The following STON2 variants were observed in gnomAD, a reference collection of about 807,000 sequenced individuals.
STON2 encodes stonin 2.
STON2 carries 29 observed loss-of-function variants against 65.7 expected under a neutral mutation model. The observed-to-expected ratio is 0.44, with a 90% CI of 0.33 to 0.60. The LOEUF is 0.60. STON2 is among the 20% of genes least tolerant of loss of function. STON2 has a pLI of 0.03. For missense variants in STON2, 1,054 were observed against 1,118.1 expected, an observed-to-expected ratio of 0.94 and a Z score of 0.82; for synonymous variants, 404 against 414.2, an observed-to-expected ratio of 0.98 and a Z score of 0.30.
At chr14:81,340,364 T>A (rs1443856395) in intron 4 of STON2, among the ~76,000 whole-genome samples, 2 of 152,142 alleles carry the variant, frequency 1.3e-5, no homozygotes, top group African/African-American at 4.8e-5. Flanking sequence ...GTGGATACGT[T>A]CATTATCTTG....
rs917524887 is a variant in STON2, at chr14:81,377,579, G to A, written c.374-6394C>T. ...GGTAATTGCACGTTTAGTTTTATAA[G>A]AAACCACCAAACTGTTTTCCAAAGT... On this transcript the variant is annotated intron_variant, in intron 3 of 7. Transcript: ENST00000614646. Among the ~76,000 whole-genome samples the A allele has an allele frequency of 5.3e-5, 8 of 152,282 alleles. No individual in the cohort carries two copies. In the East Asian group the frequency reaches 1.5e-3, roughly 29 times the overall value.
rs936123299 is a variant in STON2, at chr14:81,324,032, C to G, written c.727G>C (p.Ala243Pro). 2.0e-5 allele frequency among the ~76,000 whole-genome samples: 3 copies of G among 152,192 alleles called. No homozygotes were observed. Among genetic ancestry groups the G allele is most frequent in the Non-Finnish European group, 2.9e-5 (2 of 68,032 alleles). Residue 243 changes from alanine (A) to proline (P), a missense_variant, in exon 5 of 8, where the codon GCC becomes CCC. By Grantham distance (27) the Ala-to-Pro change is conservative. Transcript: ENST00000614646. ...SQNPGEGPEG[A>P]SAPNDNSSSL... Reference sequence around the variant, plus strand: ...CAGCCCTTACCATTGGGAGCAGAGGCCCCCTCCGGACCCTCGCCGGGGTTC... The same window carrying G: ...CAGCCCTTACCATTGGGAGCAGAGGGCCCCTCCGGACCCTCGCCGGGGTTC...
intron 6 of STON2, among the ~76,000 whole-genome samples, chr14:81,272,914 C>G (rs929305898): frequency 6.6e-6 from 1 of 152,046 alleles, no homozygotes; most frequent in African/African-American, 2.4e-5. Flanking sequence ...GTAAATTGCC[C>G]GAGGTCACAC....
chr14:81,272,470 C>T (rs1171539453), intron 6 of STON2, among the ~76,000 whole-genome samples: 1 of 152,132 alleles, frequency 6.6e-6, no homozygotes, highest in African/African-American at 2.4e-5. Flanking sequence ...CACAAACAAA[C>T]AATTCCAATG....
At chr14:81,328,553 CAG>C (rs1897083336) in intron 4 of STON2, among the ~76,000 whole-genome samples, 1 of 152,158 alleles carries the variant, frequency 6.6e-6, no homozygotes, top group Non-Finnish European at 1.5e-5. Context: ...AGGGCTCACT[CAG>C]TGTACTGAGT....
intron 2 of STON2, among the ~76,000 whole-genome samples, chr14:81,409,805 C>T (rs970575720): frequency 2.0e-5 from 3 of 152,238 alleles, no homozygotes; most frequent in African/African-American, 4.8e-5. Flanking sequence ...GCATCACCAG[C>T]ATCCATTTCT....
chr14:81,313,918 G>A (rs555387255), intron 5 of STON2, among the ~76,000 whole-genome samples: 1 of 152,236 alleles, frequency 6.6e-6, no homozygotes, highest in South Asian at 2.1e-4. Flanking sequence ...GGAACATACT[G>A]TGGGAGTCCT....
intron 4 of STON2, among the ~76,000 whole-genome samples, chr14:81,369,573 T>C (rs1898894468): frequency 6.6e-6 from 1 of 152,232 alleles, no homozygotes; most frequent in African/African-American, 2.4e-5. Context: ...TGGCCACTTA[T>C]TCTGTGTCAA....
At chr14:81,359,406 G>A (rs935869327) in intron 4 of STON2, among the ~76,000 whole-genome samples, 2 of 152,080 alleles carry the variant, frequency 1.3e-5, no homozygotes, top group Admixed American at 6.6e-5. Context: ...AAAGTTTATC[G>A]CAATGAACAC....
At position 81,263,073 on chromosome 14, in the gene STON2, G is replaced by C; in HGVS notation, c.*5341C>G. 1.0e-6 allele frequency: 1 copy of C among 985,176 alleles called. No individual in the cohort carries two copies. Among genetic ancestry groups the C allele is most frequent in the Non-Finnish European group, 1.2e-6 (1 of 829,718 alleles). The allele number at this position is 985,176 out of a possible 1,614,324, so 61.0% of individuals were successfully genotyped here. A position where few individuals can be genotyped will look rare whatever the true frequency, so the allele number is the denominator to read the frequency against. ...TGGGACTTAGTAGTAAAGTGTGTGA[G>C]ACAGTGCATTTACCAAATGATATTT... On this transcript the variant is annotated 3_prime_UTR_variant, in exon 8 of 8. Transcript: ENST00000614646.
chr14:81,395,749 A>G (rs1900281625), intron 3 of STON2, 145 bp downstream of exon 3: 4 of 774,412 alleles, frequency 5.2e-6, no homozygotes, highest in Non-Finnish European at 6.5e-6. Context: ...AAACCAGATG[A>G]GAACTCCGTC....
intron 2 of STON2, among the ~76,000 whole-genome samples, chr14:81,416,385 G>GA (rs1566951062): frequency 6.6e-6 from 1 of 152,176 alleles, no homozygotes; most frequent in Admixed American, 6.5e-5. Flanking sequence ...GAAATTTCGG[G>GA]AAAAAAAGGA....
At chr14:81,409,627 T>A (rs1901054840) in intron 2 of STON2, among the ~76,000 whole-genome samples, 1 of 152,164 alleles carries the variant, frequency 6.6e-6, no homozygotes. Context: ...TCCCACTTGA[T>A]AAAGTAACTG....
At chr14:81,421,699 G>C (rs1390853021) in intron 2 of STON2, among the ~76,000 whole-genome samples, 1 of 152,208 alleles carries the variant, frequency 6.6e-6, no homozygotes, top group African/African-American at 2.4e-5. Flanking sequence ...TGTACCATTT[G>C]CCAAGATAAG....
At chr14:81,349,105 G>A (rs979166769) in intron 4 of STON2, among the ~76,000 whole-genome samples, 2 of 152,008 alleles carry the variant, frequency 1.3e-5, no homozygotes, top group Non-Finnish European at 2.9e-5. Context: ...ATGAATTAAA[G>A]ACTTAAACCT....
At chr14:81,301,164 T>C (rs185996473) in intron 5 of STON2, among the ~76,000 whole-genome samples, 8 of 152,306 alleles carry the variant, frequency 5.3e-5, no homozygotes, top group Admixed American at 2.6e-4. Flanking sequence ...GCTTTAATAA[T>C]AGAAATAATT....
intron 3 of STON2, among the ~76,000 whole-genome samples, chr14:81,384,696 A>G (rs751006465): frequency 6.6e-6 from 1 of 152,236 alleles, no homozygotes; most frequent in Non-Finnish European, 1.5e-5. Flanking sequence ...TCAAAATAAC[A>G]TGGATTATGT....
chr14:81,433,921 C>T (rs185375072), intron 1 of STON2, among the ~76,000 whole-genome samples: 22 of 152,298 alleles, frequency 1.4e-4, no homozygotes, highest in African/African-American at 5.1e-4. Context: ...TCACTTCTCT[C>T]AGTCTGGAAT....
At chr14:81,364,221 T>C (rs981631473) in intron 4 of STON2, among the ~76,000 whole-genome samples, 1 of 152,220 alleles carries the variant, frequency 6.6e-6, no homozygotes, top group African/African-American at 2.4e-5. Flanking sequence ...TGTGATCCGT[T>C]AAATGCAAAT....
Sources: allele counts gnomAD v4.1 joint callset (sites outside exome capture counted in the v4.1 genomes callset), GRCh38; gene constraint gnomAD v4.1.1; transcripts MANE v1.5; gene names NCBI Gene and HGNC (gene_info 2026-07-23, HGNC 2026-07-21).